PRKG1: variants seen among roughly 807,000 people sequenced by gnomAD.
PRKG1 encodes the protein cGMP-dependent protein kinase 1.
In PRKG1, 35 loss-of-function variants were observed where a neutral mutation model predicts 88.1. That is an observed-to-expected ratio of 0.40 (90% CI 0.30 to 0.53). PRKG1 has a LOEUF of 0.53. Among genes scored for constraint, PRKG1 ranks in the 20% least tolerant of loss-of-function variants. PRKG1 has a pLI of 0.59. For synonymous variants in PRKG1, 303 were observed against 292.5 expected (o/e 1.04, Z -0.37); for missense variants, 540 against 839.8 (o/e 0.64, Z 4.41).
At chr10:51,692,263 A>G (rs1841163655) in intron 3 of PRKG1, among the ~76,000 whole-genome samples, 1 of 152,114 alleles carries the variant, frequency 6.6e-6, no homozygotes, top group Middle Eastern at 3.4e-3. Context: ...TATGAATTCA[A>G]CTATACCATT....
chr10:51,074,712 A>G lies in PRKG1; in HGVS notation c.122A>G (p.Lys41Arg). 6.2e-7 allele frequency: 1 copy of G among 1,614,050 alleles called. No homozygotes were observed. The highest frequency in any genetic ancestry group is 8.5e-7 in the Non-Finnish European group (1 of 1,179,956). ...GATCAGAAGGACGAACTGATCCAGA[A>G]GCTGCAGAACGAGCTGGACAAGTAC... ...ELDQKDELIQ[K>R]LQNELDKYRS... Residue 41 changes from lysine (K) to arginine (R), a missense_variant, in exon 1 of 18, where the codon AAG becomes AGG. Physicochemically the swap from Lys to Arg is conservative, Grantham distance 26. This residue lies in a region of PRKG1 where 400 missense variants were observed against 562.7 expected (regional missense o/e 0.71). Transcript: ENST00000373980.
At chr10:51,788,181 A>G (rs930982981) in intron 3 of PRKG1, among the ~76,000 whole-genome samples, 1 of 152,190 alleles carries the variant, frequency 6.6e-6, no homozygotes, top group African/African-American at 2.4e-5. Flanking sequence ...CTTTTGTAAA[A>G]TACAGATTCC....
At chr10:52,010,904 C>T (rs183809065) in intron 5 of PRKG1, among the ~76,000 whole-genome samples, 2 of 152,330 alleles carry the variant, frequency 1.3e-5, no homozygotes, top group Admixed American at 6.5e-5. Context: ...CTGAAGCAAG[C>T]TTCTCTGACT....
intron 3 of PRKG1, among the ~76,000 whole-genome samples, chr10:51,569,706 G>T (rs1334330313): frequency 1.3e-5 from 2 of 151,942 alleles, no homozygotes; most frequent in Non-Finnish European, 2.9e-5. Context: ...TTGAGCATCA[G>T]AAACCAACCA....
intron 3 of PRKG1, among the ~76,000 whole-genome samples, chr10:51,564,726 G>T (rs1294367651): frequency 6.6e-6 from 1 of 152,020 alleles, no homozygotes; most frequent in African/African-American, 2.4e-5. Flanking sequence ...TTCAAATATG[G>T]TTCACAAACT....
At chr10:52,291,405 C>G (rs925889355) in intron 17 of PRKG1, among the ~76,000 whole-genome samples, 2 of 107,214 alleles carry the variant, frequency 1.9e-5, no homozygotes, top group African/African-American at 7.2e-5. Flanking sequence ...TCCCTCCCCC[C>G]TCCCCCCACC....
At chr10:52,234,558 G>C (rs1035269470) in intron 9 of PRKG1, among the ~76,000 whole-genome samples, 3 of 148,040 alleles carry the variant, frequency 2.0e-5, no homozygotes, top group African/African-American at 5.1e-5. Flanking sequence ...TGGAAGAAAG[G>C]GTATCAGCAA....
chr10:51,093,180 T>C (rs917246320), intron 1 of PRKG1, among the ~76,000 whole-genome samples: 2 of 152,168 alleles, frequency 1.3e-5, no homozygotes, highest in Non-Finnish European at 2.9e-5. Flanking sequence ...CCTGGGAGCT[T>C]GTTAGAAATG....
intron 9 of PRKG1, among the ~76,000 whole-genome samples, chr10:52,218,943 T>C (rs1186337672): frequency 6.6e-6 from 1 of 152,160 alleles, no homozygotes; most frequent in Non-Finnish European, 1.5e-5. Context: ...AGTTTCTGTG[T>C]TGAACCAAAG....
intron 2 of PRKG1, among the ~76,000 whole-genome samples, chr10:51,251,837 A>G (rs202005984): frequency 6.6e-6 from 1 of 151,794 alleles, no homozygotes; most frequent in Non-Finnish European, 1.5e-5. Flanking sequence ...CTTCTCCTAG[A>G]TCTTGAGTTA....
intron 3 of PRKG1, among the ~76,000 whole-genome samples, chr10:51,802,564 C>T (rs1268986997): frequency 6.6e-6 from 1 of 152,054 alleles, no homozygotes; most frequent in Non-Finnish European, 1.5e-5. Context: ...ACTTCATGTA[C>T]ATAAAGTTCA....
At chr10:52,121,087 A>G (rs1215645660) in intron 7 of PRKG1, among the ~76,000 whole-genome samples, 2 of 152,288 alleles carry the variant, frequency 1.3e-5, no homozygotes, top group African/African-American at 4.8e-5. Context: ...ACCTAGGCCC[A>G]CTTAAGCCAT....
chr10:52,191,750 C>T (rs1839369168), intron 9 of PRKG1, among the ~76,000 whole-genome samples: 1 of 152,136 alleles, frequency 6.6e-6, no homozygotes, highest in Non-Finnish European at 1.5e-5. Context: ...CAATGTAATC[C>T]TTTTCCTACA....
At chr10:51,710,113 A>C (rs1171723583) in intron 3 of PRKG1, among the ~76,000 whole-genome samples, 1 of 152,210 alleles carries the variant, frequency 6.6e-6, no homozygotes, top group Non-Finnish European at 1.5e-5. Context: ...GTACTTTCAC[A>C]GGAAACTTTA....
intron 2 of PRKG1, among the ~76,000 whole-genome samples, chr10:51,329,151 A>G (rs138504599): frequency 1.5e-3 from 225 of 152,238 alleles, no homozygotes; most frequent in African/African-American, 5.1e-3. Context: ...GGCCAATGTC[A>G]TGGAACCTTT....
intron 2 of PRKG1, among the ~76,000 whole-genome samples, chr10:51,318,533 G>T (rs1841378113): frequency 6.6e-6 from 1 of 152,148 alleles, no homozygotes. Context: ...GACTTTCAGT[G>T]CTGTGGAAAT....
rs749205610 is a variant in PRKG1 at position 51,601,721 on chromosome 10, A to ATTTTTTTTTTTTTTTTTTTTTTTTTTTT, written c.592+133906_592+133933dup. Among the ~76,000 whole-genome samples the ATTTTTTTTTTTTTTTTTTTTTTTTTTTT allele has an allele frequency of 1.4e-4, 6 of 43,574 alleles. 2 individuals carry two copies. The highest frequency in any genetic ancestry group is 2.2e-4 in the African/African-American group (3 of 13,344). 28.6% of individuals were successfully genotyped at this position (43,574 alleles called of 152,430 possible). On this transcript the variant is annotated intron_variant, in intron 3 of 17. Coordinates refer to ENST00000373980, the MANE Select transcript of PRKG1 (RefSeq NM_006258.4). ...TTTTAGAAATAAAGTGGCAGATTGA[A>ATTTTTTTTTTTTTTTTTTTTTTTTTTTT]TTTTTTTTTTTTTTTTTTTTTTTTT...
At chr10:51,898,100 A>G (rs899094354) in intron 4 of PRKG1, among the ~76,000 whole-genome samples, 2 of 151,970 alleles carry the variant, frequency 1.3e-5, no homozygotes, top group Non-Finnish European at 2.9e-5. Context: ...GGCACTTAAA[A>G]ACCCTTGGCT....
intron 9 of PRKG1, among the ~76,000 whole-genome samples, chr10:52,222,496 C>T (rs986754557): frequency 2.0e-5 from 3 of 152,026 alleles, no homozygotes; most frequent in African/African-American, 7.2e-5. Flanking sequence ...GAAACCCCAA[C>T]CAGGAGTGAG....
Sources: gnomAD v4.1 joint callset for allele counts (sites outside exome capture counted in the v4.1 genomes callset) on GRCh38, gnomAD v4.1.1 for gene constraint, gnomAD v4.1.1 regional missense constraint, MANE v1.5 for transcripts, NCBI Gene and HGNC (gene_info 2026-07-23, HGNC 2026-07-21) for gene names.